ANAPC11: variants seen among roughly 807,000 people sequenced by gnomAD.
ANAPC11 encodes the protein anaphase promoting complex subunit 11.
A neutral mutation model predicts 11.8 loss-of-function variants in ANAPC11; 5 were observed. That is an observed-to-expected ratio of 0.42 (90% CI 0.22 to 0.89). The LOEUF is 0.89. Ranked by LOEUF, ANAPC11 falls within the 40% of genes least tolerant of loss-of-function variation. ANAPC11 has a pLI of 0.28. For missense variants in ANAPC11, 68 were observed against 112.9 expected (o/e 0.60, Z 1.80); for synonymous variants, 45 against 41.0 (o/e 1.10, Z -0.38).
chr17:81,890,791 G>A (rs1324110359), upstream of ANAPC11: 6 of 1,614,090 alleles, frequency 3.7e-6, no homozygotes, highest in African/African-American at 4.0e-5. Context: ...CGAAAAGATC[G>A]TGCTGCCACT....
chr17:81,891,339 G>A (rs1202323648), upstream of ANAPC11: 7 of 1,163,570 alleles, frequency 6.0e-6, no homozygotes, highest in South Asian at 1.2e-4. Context: ...GTAGGGCGCC[G>A]GTCGGTTCCT....
intron 2 of ANAPC11, chr17:81,894,230 G>A (rs1598297585): frequency 3.5e-6 from 1 of 284,490 alleles, no homozygotes; most frequent in East Asian, 5.9e-5. Context: ...CTGGGTGACA[G>A]AGTGAGACTC....
intron 1 of ANAPC11, among the ~76,000 whole-genome samples, 180 bp from the exon 2 acceptor site, chr17:81,893,372 G>A (rs553236189): frequency 2.6e-5 from 4 of 151,920 alleles, no homozygotes; most frequent in African/African-American, 7.3e-5. Flanking sequence ...GATTACAGGC[G>A]TGAGCCACTA....
intron 3 of ANAPC11, chr17:81,894,867 G>A: frequency 5.5e-6 from 2 of 361,426 alleles, no homozygotes; most frequent in Non-Finnish European, 5.0e-6. Context: ...ACAGGCATGT[G>A]CCACCATGCT....
intron 3 of ANAPC11, among the ~76,000 whole-genome samples, chr17:81,896,701 CTG>C (rs2039754988): frequency 6.6e-6 from 1 of 151,292 alleles, no homozygotes; most frequent in Admixed American, 6.6e-5. Context: ...CAGGGTCTCA[CTG>C]TGTTGCCCAA....
chr17:81,894,300 C>A, intron 2 of ANAPC11, 167 bp from the exon 3 acceptor site: 2 of 403,404 alleles, frequency 5.0e-6, no homozygotes, highest in Non-Finnish European at 4.4e-6. Flanking sequence ...ACAGGGCTCA[C>A]GATGTTTCCC....
chr17:81,894,694 C>T (rs2039673040), intron 3 of ANAPC11, 108 bp downstream of exon 3: 2 of 516,374 alleles, frequency 3.9e-6, no homozygotes, highest in African/African-American at 2.0e-5. Context: ...AATACCTGCA[C>T]GAAATACCCA....
At position 81,899,998 on chromosome 17, in the gene ANAPC11, G is replaced by A; in HGVS notation, c.188G>A (p.Trp63Ter). ...HCFHMHCILKWLHAQQVQQHC... is the reference protein window; with the variant it reads ...HCFHMHCILK ...TTCCACATGCATTGCATCCTCAAGT[G>A]GCTGCACGCACAGCAGGTGCAGCAG... Residue 63 changes from tryptophan (W) to a stop codon, truncating the protein, a stop_gained, in exon 4 of 4, where the codon TGG (tryptophan) becomes TAG (stop). Transcript: ENST00000344877. LOFTEE classifies it high-confidence loss of function. 6.2e-7 allele frequency: 1 copy of A among 1,613,012 alleles called. No homozygotes were observed. Among genetic ancestry groups the A allele is most frequent in the Non-Finnish European group, 8.5e-7 (1 of 1,179,972 alleles).
upstream of ANAPC11, chr17:81,890,982 G>A: frequency 7.3e-6 from 8 of 1,098,522 alleles, no homozygotes; most frequent in East Asian, 2.5e-5. Context: ...CCAGCCCGAG[G>A]CCGCACGGTC....
chr17:81,900,090 G>A lies in ANAPC11; in HGVS notation c.*25G>A, dbSNP rs886460643. 1.9e-6 allele frequency: 3 copies of A among 1,611,326 alleles called. No homozygotes were observed. The highest frequency in any genetic ancestry group is 1.3e-5 in the African/African-American group (1 of 74,920). On this transcript the variant is annotated 3_prime_UTR_variant, in exon 4 of 4. Coordinates refer to ENST00000344877, the MANE Select transcript of ANAPC11 (RefSeq NM_001002248.3). ...AGGCCCGACCTGGCTCTCGCTGGAG[G>A]GGCATCCTGAGACTCCTTCCTCATG...
intron 3 of ANAPC11, among the ~76,000 whole-genome samples, chr17:81,896,494 G>C (rs1322436576): frequency 1.3e-5 from 2 of 152,200 alleles, no homozygotes; most frequent in Admixed American, 6.6e-5. Context: ...TCAGCGAAAT[G>C]GTTTTTCATG....
At position 81,900,144 on chromosome 17, in the gene ANAPC11, C is replaced by T. The variant is rs1396744339; in HGVS notation, c.*79C>T. On this transcript the variant is annotated 3_prime_UTR_variant, in exon 4 of 4. Coordinates refer to ENST00000344877, the MANE Select transcript of ANAPC11 (RefSeq NM_001002248.3). The stretch of plus-strand genomic sequence containing the variant: ...GCGCCGATGGCTGCTGGGGACAGCG[C>T]CCCTGAGCTGCAACAAGGTGGAAAC... 1.3e-6 allele frequency: 2 copies of T among 1,580,218 alleles called. No homozygotes were observed. Among genetic ancestry groups the T allele is most frequent in the African/African-American group, 1.3e-5 (1 of 74,134 alleles).
intron 2 of ANAPC11, among the ~76,000 whole-genome samples, 192 bp downstream of exon 2, chr17:81,893,806 A>C (rs1325206796): frequency 7.3e-6 from 1 of 136,576 alleles, no homozygotes; most frequent in Non-Finnish European, 1.5e-5. Flanking sequence ...TGTGTTACAC[A>C]GGCTGGTCTC....
At chr17:81,897,253 C>T (rs1002823200) in intron 3 of ANAPC11, among the ~76,000 whole-genome samples, 4 of 152,210 alleles carry the variant, frequency 2.6e-5, no homozygotes, top group African/African-American at 9.7e-5. Context: ...CCCACCTCAG[C>T]CTCCCAAAGT....
intron 3 of ANAPC11, among the ~76,000 whole-genome samples, chr17:81,897,433 CCT>C (rs1555610567): frequency 6.6e-6 from 1 of 152,156 alleles, no homozygotes; most frequent in African/African-American, 2.4e-5. Context: ...TGCACCCGCC[CCT>C]GTCTTTGCTT....
chr17:81,895,927 TC>T (rs1283571794), intron 3 of ANAPC11, among the ~76,000 whole-genome samples: 1 of 151,824 alleles, frequency 6.6e-6, no homozygotes, highest in Non-Finnish European at 1.5e-5. Context: ...AGAGCAAGAC[TC>T]CATCTCAAAA....
Position 81,897,916 on chromosome 17 carries a change from C to T in ANAPC11, c.110-2004C>T, listed in dbSNP as rs549330366. Reference sequence around the variant, plus strand: ...GGGATTATAGGTGTGGCGCCTGGCCCGTACAAATACTTTTTATTCTAGGCT... The same window carrying T: ...GGGATTATAGGTGTGGCGCCTGGCCTGTACAAATACTTTTTATTCTAGGCT... On this transcript the variant is annotated intron_variant, in intron 3 of 3. Transcript: ENST00000344877. Among the ~76,000 whole-genome samples, 50 of 152,316 alleles carry T rather than the reference C, an allele frequency of 3.3e-4. No individual in the cohort carries two copies. The South Asian group carries it at 9.5e-3, about 29-fold the overall frequency.
upstream of ANAPC11, chr17:81,890,895 G>A (rs2039509193): frequency 5.0e-6 from 8 of 1,594,704 alleles, no homozygotes; most frequent in African/African-American, 2.7e-5. Flanking sequence ...CGGCTACTCC[G>A]GACCCTTCCT....
At chr17:81,891,703 G>A (rs1162546213), upstream of ANAPC11, 2 of 915,124 alleles carry the variant, frequency 2.2e-6, no homozygotes, top group South Asian at 2.6e-5. Context: ...CGCGCGGGAC[G>A]GGGTGAGGCG....
Sources: allele counts gnomAD v4.1 joint callset (sites outside exome capture counted in the v4.1 genomes callset), GRCh38; gene constraint gnomAD v4.1.1; transcripts MANE v1.5; gene names NCBI Gene and HGNC (gene_info 2026-07-23, HGNC 2026-07-21).